Variants in FBXL17 observed in about 807,000 individuals in gnomAD.
FBXL17 encodes F-box/LRR-repeat protein 17.
FBXL17 carries 22 observed loss-of-function variants against 66.2 expected under a neutral mutation model. The ratio of observed to expected loss-of-function variants is 0.33; its 90% CI spans 0.24 to 0.47. The LOEUF is 0.47. Among genes scored for constraint, FBXL17 ranks in the 20% least tolerant of loss-of-function variants. The probability of loss-of-function intolerance (pLI) is 1.00; values close to 1 mark genes in which losing one functional copy is unlikely to be tolerated. For synonymous variants in FBXL17, 474 were observed against 400.5 expected, an observed-to-expected ratio of 1.18 and a Z score of -2.19; for missense variants, 878 against 948.2, an observed-to-expected ratio of 0.93 and a Z score of 0.97.
chr5:108,381,964 A>G lies in FBXL17; in HGVS notation c.-273T>C, dbSNP rs1750002366. The G allele has an allele frequency of 8.2e-7, 1 of 1,225,402 alleles. No individual in the cohort carries two copies. Among genetic ancestry groups the G allele is most frequent in the Non-Finnish European group, 1.0e-6 (1 of 981,006 alleles). The allele number at this position is 1,225,402 out of a possible 1,614,324, so 75.9% of individuals were successfully genotyped here. The stretch of plus-strand genomic sequence containing the variant: ...GGGGACGCGAGGGAGGGAGCGAGCG[A>G]GCCTGCCGGCTAGGCGACCAGTCCG... On this transcript the variant is annotated 5_prime_UTR_variant, in exon 1 of 9. Coordinates refer to ENST00000542267, the MANE Select transcript of FBXL17 (RefSeq NM_001163315.3).
intron 5 of FBXL17, among the ~76,000 whole-genome samples, chr5:108,208,480 A>G (rs1024803571): frequency 6.6e-6 from 1 of 152,090 alleles, no homozygotes; most frequent in Non-Finnish European, 1.5e-5. Flanking sequence ...TCTTGAGTTG[A>G]TTTTTGTATA....
chr5:108,016,020 A>C (rs1294817097), intron 7 of FBXL17, among the ~76,000 whole-genome samples: 1 of 152,186 alleles, frequency 6.6e-6, no homozygotes, highest in Non-Finnish European at 1.5e-5. Context: ...TACATGGCCC[A>C]GCACACGGTG....
At chr5:108,318,855 A>G (rs1580807984) in intron 4 of FBXL17, among the ~76,000 whole-genome samples, 1 of 151,972 alleles carries the variant, frequency 6.6e-6, no homozygotes, top group African/African-American at 2.4e-5. Flanking sequence ...ATATTTATAA[A>G]GGGATAACTG....
chr5:108,132,811 C>T (rs149785989), intron 6 of FBXL17, among the ~76,000 whole-genome samples: 163 of 152,224 alleles, frequency 1.1e-3, no homozygotes, highest in African/African-American at 3.8e-3. Flanking sequence ...TCACTATGAC[C>T]ATTGAAGTTT....
At chr5:107,991,812 T>C (rs148510775) in intron 7 of FBXL17, among the ~76,000 whole-genome samples, 3 of 152,318 alleles carry the variant, frequency 2.0e-5, no homozygotes, top group Admixed American at 6.5e-5. Flanking sequence ...TCTTTTATAA[T>C]ATCCTTTCAT....
intron 8 of FBXL17, among the ~76,000 whole-genome samples, chr5:107,872,453 T>A (rs1239881240): frequency 6.6e-6 from 1 of 152,232 alleles, no homozygotes; most frequent in Non-Finnish European, 1.5e-5. Context: ...CTTTTAGCTG[T>A]ATAATACTTT....
At chr5:108,222,621 C>A (rs1255808569) in intron 5 of FBXL17, among the ~76,000 whole-genome samples, 2 of 148,080 alleles carry the variant, frequency 1.4e-5, no homozygotes, top group Non-Finnish European at 3.0e-5. Flanking sequence ...GATTTGATTT[C>A]TTAAAATCAA....
At chr5:108,179,457 G>C (rs2150025040) in intron 6 of FBXL17, among the ~76,000 whole-genome samples, 1 of 152,234 alleles carries the variant, frequency 6.6e-6, no homozygotes, top group East Asian at 1.9e-4. Flanking sequence ...AATAAAAAAA[G>C]AGACAGAGAG....
intron 7 of FBXL17, among the ~76,000 whole-genome samples, chr5:107,924,885 T>C (rs1237258072): frequency 6.6e-6 from 1 of 152,208 alleles, no homozygotes; most frequent in East Asian, 1.9e-4. Context: ...ATATGTGAAA[T>C]AGAGCAATTC....
At chr5:107,995,000 T>C (rs1580301839) in intron 7 of FBXL17, among the ~76,000 whole-genome samples, 1 of 152,122 alleles carries the variant, frequency 6.6e-6, no homozygotes, top group African/African-American at 2.4e-5. Context: ...CTGGAAAGGG[T>C]CATGGGGGCA....
intron 6 of FBXL17, among the ~76,000 whole-genome samples, chr5:108,050,121 T>A (rs1747412788): frequency 6.6e-6 from 1 of 152,150 alleles, no homozygotes; most frequent in African/African-American, 2.4e-5. Context: ...AGACTTAGAC[T>A]CCCACACAAT....
intron 6 of FBXL17, among the ~76,000 whole-genome samples, chr5:108,099,652 C>T (rs952879261): frequency 3.9e-5 from 6 of 152,084 alleles, no homozygotes; most frequent in Admixed American, 3.9e-4. Context: ...TGATACTTTC[C>T]TTCTGGTATA....
rs570549871 is a variant in FBXL17 at position 107,945,370 on chromosome 5, G to A, written c.1823-64191C>T. On this transcript the variant is annotated intron_variant, in intron 7 of 8. Coordinates refer to ENST00000542267, the MANE Select transcript of FBXL17 (RefSeq NM_001163315.3). The stretch of plus-strand genomic sequence containing the variant: ...CAAATTGGCAATATCTAGTAAAGTC[G>A]AAGATGTACTCCTATATTTATTCTT... 3.7e-4 allele frequency among the ~76,000 whole-genome samples: 57 copies of A among 152,106 alleles called. No homozygotes were observed. In the South Asian group the frequency reaches 3.9e-3, roughly 11 times the overall value.
chr5:107,979,078 T>C (rs1752702813), intron 7 of FBXL17, among the ~76,000 whole-genome samples: 1 of 152,200 alleles, frequency 6.6e-6, no homozygotes, highest in East Asian at 1.9e-4. Context: ...AAAGAGACAA[T>C]GCATGTGAAA....
chr5:107,971,097 G>T (rs541021965), intron 7 of FBXL17, among the ~76,000 whole-genome samples: 3 of 152,160 alleles, frequency 2.0e-5, no homozygotes, highest in Non-Finnish European at 4.4e-5. Flanking sequence ...ATTGATATAT[G>T]AGGGAACAAT....
rs777239809 is a variant in FBXL17, at chr5:108,089,710, G to T, written c.1746-68709C>A. ...TTTCCCCTTGTTTAGTTTTTGTTTTGTTCACCATTATAACTGAGGTTCCTG... is the reference window on the plus strand; with the variant it reads ...TTTCCCCTTGTTTAGTTTTTGTTTTTTTCACCATTATAACTGAGGTTCCTG... On this transcript the variant is annotated intron_variant, in intron 6 of 8. Transcript: ENST00000542267. Among the ~76,000 whole-genome samples the T allele has an allele frequency of 3.2e-4, 49 of 152,058 alleles. 1 individual carries two copies. The highest frequency in any genetic ancestry group is 6.5e-4 in the Non-Finnish European group (44 of 68,006).
chr5:108,144,438 C>T (rs932738574), intron 6 of FBXL17, among the ~76,000 whole-genome samples: 8 of 152,080 alleles, frequency 5.3e-5, no homozygotes, highest in African/African-American at 1.9e-4. Context: ...AAAGCAATTT[C>T]CCACAGCTAA....
chr5:108,287,069 A>G (rs530840350), intron 4 of FBXL17, among the ~76,000 whole-genome samples: 1 of 151,982 alleles, frequency 6.6e-6, no homozygotes, highest in Non-Finnish European at 1.5e-5. Context: ...GGTTAGCCAC[A>G]TGCAGAAGAT....
chr5:108,060,139 CAT>C (rs1747865805), intron 6 of FBXL17, among the ~76,000 whole-genome samples: 1 of 150,880 alleles, frequency 6.6e-6, no homozygotes, highest in Non-Finnish European at 1.5e-5. Flanking sequence ...TACAAATCTA[CAT>C]GTTATCTAAA....
Sources: gnomAD v4.1 joint callset for allele counts (sites outside exome capture counted in the v4.1 genomes callset) on GRCh38, gnomAD v4.1.1 for gene constraint, MANE v1.5 for transcripts, NCBI Gene and HGNC (gene_info 2026-07-23, HGNC 2026-07-21) for gene names.